The following NAV1 variants were observed in gnomAD, a reference collection of about 807,000 sequenced individuals.
NAV1 encodes neuron navigator 1.
NAV1 carries 18 observed loss-of-function variants against 175.2 expected under a neutral mutation model. The ratio of observed to expected loss-of-function variants is 0.10; its 90% confidence interval spans 0.07 to 0.15. The LOEUF (loss-of-function observed/expected upper bound fraction) is 0.15, where lower values mean the gene tolerates loss of function less well. NAV1 is among the 10% of genes least tolerant of loss of function. NAV1 has a pLI of 1.00. For synonymous variants in NAV1, 897 were observed against 978.7 expected, an observed-to-expected ratio of 0.92 and a Z score of 1.56; for missense variants, 1,731 against 2,436.6, an observed-to-expected ratio of 0.71 and a Z score of 6.10.
intron 2 of NAV1, among the ~76,000 whole-genome samples, chr1:201,641,926 C>A (rs1668765725): frequency 6.6e-6 from 1 of 151,882 alleles, no homozygotes; most frequent in South Asian, 2.1e-4. Context: ...TTCCTTCCCT[C>A]CCTCCCTCCT....
At chr1:201,756,848 CTTTCTTTCTTTCTTTCTTTCTTTCTT>C (rs1167185502) in intron 3 of NAV1, among the ~76,000 whole-genome samples, 1 of 132,336 alleles carries the variant, frequency 7.6e-6, no homozygotes, top group African/African-American at 2.9e-5. Flanking sequence ...TTCTTTCTTT[CTTTCTTTCTTTCTTTCTTTCTTTCTT>C]TCTTTCTTTC....
chr1:201,704,690 C>T (rs1671592722), intron 1 of NAV1, among the ~76,000 whole-genome samples: 1 of 152,240 alleles, frequency 6.6e-6, no homozygotes, highest in South Asian at 2.1e-4. Flanking sequence ...AGCACACCCT[C>T]CACTGTGGGG....
rs1211276232 is a variant in NAV1, at chr1:201,809,193, T to C, written c.4237T>C (p.Cys1413Arg). The C allele has an allele frequency of 1.9e-6, 3 of 1,613,956 alleles. No homozygotes were observed. The Admixed American group carries it at 5.0e-5, about 27-fold the overall frequency. Residue 1413 changes from cysteine (C) to arginine (R), a missense_variant, in exon 21 of 30, where the codon TGT becomes CGT. Coordinates refer to ENST00000367296, the Ensembl canonical transcript of NAV1. ...GTCACCCATGGATGGCATCAGTACT[T>C]GTGGTCCAAAGGAGGAAGTGACCCT... is the stretch of plus-strand genomic sequence containing the variant.
intron 1 of NAV1, among the ~76,000 whole-genome samples, chr1:201,581,245 GGT>G (rs937709921): frequency 4.6e-5 from 7 of 152,212 alleles, no homozygotes; most frequent in African/African-American, 1.7e-4. Flanking sequence ...AGGCAGTGGT[GGT>G]GGAGATGGGT....
At chr1:201,652,970 A>G (rs1407922364) in intron 1 of NAV1, among the ~76,000 whole-genome samples, 2 of 152,168 alleles carry the variant, frequency 1.3e-5, no homozygotes, top group Non-Finnish European at 2.9e-5. Flanking sequence ...GTTAAGCAAA[A>G]TCATCTAATA....
exon 2 of NAV1, chr1:201,712,914 T>A: frequency 6.2e-7 from 1 of 1,612,368 alleles, no homozygotes; most frequent in Non-Finnish European, 8.5e-7. Context: ...CCCAGGTGAC[T>A]CACAGGTAAG....
upstream of NAV1, among the ~76,000 whole-genome samples, chr1:201,644,617 A>C (rs1258307267): frequency 6.6e-6 from 1 of 152,214 alleles, no homozygotes; most frequent in African/African-American, 2.4e-5. Context: ...GAATTAACCC[A>C]TGAGATGTGC....
intron 3 of NAV1, among the ~76,000 whole-genome samples, chr1:201,745,180 T>G (rs898068170): frequency 6.6e-6 from 1 of 152,180 alleles, no homozygotes; most frequent in Admixed American, 6.5e-5. Context: ...TTAGGAAACC[T>G]TTATCCCATA....
intron 1 of NAV1, among the ~76,000 whole-genome samples, chr1:201,555,701 C>T (rs1665989618): frequency 1.3e-5 from 2 of 151,970 alleles, no homozygotes. Context: ...TAAATAGCAC[C>T]CTGGAATCAA....
At chr1:201,546,403 G>T (rs988181990) in intron 1 of NAV1, among the ~76,000 whole-genome samples, 1 of 152,192 alleles carries the variant, frequency 6.6e-6, no homozygotes, top group Non-Finnish European at 1.5e-5. Context: ...GTTCCCAGGG[G>T]GAGGGGAAAG....
intron 2 of NAV1, among the ~76,000 whole-genome samples, chr1:201,639,566 A>C (rs933999069): frequency 6.6e-6 from 1 of 152,088 alleles, no homozygotes; most frequent in African/African-American, 2.4e-5. Context: ...TGAGAAGAAG[A>C]AGCCCAGCCC....
chr1:201,814,363 C>T (rs1678890956), intron 28 of NAV1, among the ~76,000 whole-genome samples: 2 of 117,168 alleles, frequency 1.7e-5, no homozygotes, highest in Admixed American at 8.7e-5. Flanking sequence ...GAGTGAGAAC[C>T]TGTCTCAAAA....
At chr1:201,583,466 G>A (rs1219091758) in intron 1 of NAV1, among the ~76,000 whole-genome samples, 2 of 152,232 alleles carry the variant, frequency 1.3e-5, no homozygotes, top group Non-Finnish European at 2.9e-5. Flanking sequence ...CACCTGCAGA[G>A]GCCAACAGAG....
chr1:201,601,753 A>G (rs377579516), intron 2 of NAV1, among the ~76,000 whole-genome samples: 1 of 152,202 alleles, frequency 6.6e-6, no homozygotes, highest in Non-Finnish European at 1.5e-5. Flanking sequence ...GTATATTTCT[A>G]TTGTTAAAAG....
At chr1:201,753,940 C>T (rs1438800577) in intron 3 of NAV1, among the ~76,000 whole-genome samples, 1 of 152,188 alleles carries the variant, frequency 6.6e-6, no homozygotes, top group Non-Finnish European at 1.5e-5. Context: ...CATTGTCATT[C>T]TGATGGCAGA....
intron 1 of NAV1, among the ~76,000 whole-genome samples, chr1:201,556,906 C>T (rs1428787922): frequency 2.0e-5 from 3 of 152,156 alleles, no homozygotes; most frequent in South Asian, 2.1e-4. Flanking sequence ...GGGCTTAATT[C>T]TACGGGCAAA....
At chr1:201,587,834 A>C (rs1667079037) in intron 1 of NAV1, among the ~76,000 whole-genome samples, 1 of 152,246 alleles carries the variant, frequency 6.6e-6, no homozygotes, top group South Asian at 2.1e-4. Flanking sequence ...ATCAATAATC[A>C]TCAGGAAAAA....
chr1:201,712,863 C>G (rs750983710), exon 2 of NAV1: 99 of 1,614,004 alleles, frequency 6.1e-5, no homozygotes, highest in Non-Finnish European at 7.3e-5. Flanking sequence ...TCCTGGATCT[C>G]CGGCAGAACC....
chr1:201,662,475 C>T (rs1669652052), intron 1 of NAV1, among the ~76,000 whole-genome samples: 1 of 152,206 alleles, frequency 6.6e-6, no homozygotes, highest in South Asian at 2.1e-4. Flanking sequence ...TCTCTGAGTC[C>T]CTGACTGCCT....
Sources: gnomAD v4.1 joint callset for allele counts (sites outside exome capture counted in the v4.1 genomes callset) on GRCh38, gnomAD v4.1.1 for gene constraint, MANE v1.5 for transcripts, NCBI Gene and HGNC (gene_info 2026-07-23, HGNC 2026-07-21) for gene names.